Variants in PAK2 observed in about 807,000 individuals in gnomAD.
PAK2 encodes the protein serine/threonine-protein kinase PAK 2.
A neutral mutation model predicts 65.9 loss-of-function variants in PAK2; 21 were observed. The observed-to-expected ratio is 0.32, with a 90% CI of 0.23 to 0.46. The LOEUF (loss-of-function observed/expected upper bound fraction) is 0.46, where lower values mean the gene tolerates loss of function less well. Among genes scored for constraint, PAK2 ranks in the 20% least tolerant of loss-of-function variants. The pLI, the probability that PAK2 is intolerant of heterozygous loss-of-function variation, is 1.00. For missense variants in PAK2, 324 were observed against 642.6 expected (o/e 0.50, Z 5.36); for synonymous variants, 204 against 219.7 (o/e 0.93, Z 0.63).
chr3:196,826,424 A>G (rs1033242441), intron 13 of PAK2, among the ~76,000 whole-genome samples: 2 of 151,762 alleles, frequency 1.3e-5, no homozygotes, highest in African/African-American at 2.4e-5. Context: ...GGCCCGCCTT[A>G]GCCTCCCAAA....
intron 12 of PAK2, among the ~76,000 whole-genome samples, chr3:196,819,369 G>A (rs754367028): frequency 6.6e-6 from 1 of 152,172 alleles, no homozygotes; most frequent in Non-Finnish European, 1.5e-5. Flanking sequence ...TTGAGCACAG[G>A]AGGCAGAGGT....
At chr3:196,756,619 CA>C (rs555686625) in intron 1 of PAK2, among the ~76,000 whole-genome samples, 91 of 152,274 alleles carry the variant, frequency 6.0e-4, no homozygotes, top group African/African-American at 2.0e-3. Context: ...GGGAGGATCA[CA>C]AGGTCAGGAG....
At chr3:196,804,571 A>G (rs947081967) in intron 4 of PAK2, among the ~76,000 whole-genome samples, 2 of 152,008 alleles carry the variant, frequency 1.3e-5, no homozygotes, top group African/African-American at 2.4e-5. Flanking sequence ...GGGTTCAAGC[A>G]ATTCTCCTGC....
intron 1 of PAK2, among the ~76,000 whole-genome samples, chr3:196,753,406 G>A (rs1713671600): frequency 1.3e-5 from 2 of 151,754 alleles, no homozygotes; most frequent in Non-Finnish European, 2.9e-5. Flanking sequence ...CACCACACCC[G>A]CCTAATTTCT....
At chr3:196,796,168 C>T (rs1317929296) in intron 2 of PAK2, among the ~76,000 whole-genome samples, 1 of 152,188 alleles carries the variant, frequency 6.6e-6, no homozygotes, top group African/African-American at 2.4e-5. Flanking sequence ...ACTCTGGTAC[C>T]AGTTTGTGGC....
chr3:196,823,811 C>CA (rs1004879720), intron 13 of PAK2, among the ~76,000 whole-genome samples: 14,663 of 76,586 alleles, frequency 0.19, 834 homozygotes, highest in Middle Eastern at 0.26. Context: ...GATTCTGTCG[C>CA]AAAAAAAAAA....
At chr3:196,780,112 A>G (rs1273853556) in intron 1 of PAK2, among the ~76,000 whole-genome samples, 6 of 152,226 alleles carry the variant, frequency 3.9e-5, no homozygotes, top group Non-Finnish European at 7.3e-5. Context: ...GCATGATGTC[A>G]TGAGCTGGTT....
At chr3:196,794,418 C>G (rs1164344590) in intron 2 of PAK2, among the ~76,000 whole-genome samples, 1 of 152,218 alleles carries the variant, frequency 6.6e-6, no homozygotes, top group Non-Finnish European at 1.5e-5. Flanking sequence ...AATGAAAGAA[C>G]TCCAGGCATG....
intron 10 of PAK2, among the ~76,000 whole-genome samples, chr3:196,814,097 A>G (rs1715916761): frequency 6.6e-6 from 1 of 152,142 alleles, no homozygotes; most frequent in Non-Finnish European, 1.5e-5. Context: ...GTCACTTCCT[A>G]TTAATAGCTG....
intron 1 of PAK2, among the ~76,000 whole-genome samples, chr3:196,773,347 A>G (rs889600906): frequency 6.6e-6 from 1 of 152,162 alleles, no homozygotes; most frequent in Non-Finnish European, 1.5e-5. Flanking sequence ...TTTATACCTA[A>G]TATTGTTTTT....
intron 2 of PAK2, among the ~76,000 whole-genome samples, chr3:196,784,132 A>C (rs1250223753): frequency 6.6e-6 from 1 of 152,126 alleles, no homozygotes; most frequent in Admixed American, 6.5e-5. Context: ...ATCTGTGTTC[A>C]AACTCCATTT....
intron 1 of PAK2, among the ~76,000 whole-genome samples, chr3:196,781,916 C>G (rs1714726563): frequency 6.6e-6 from 1 of 152,062 alleles, no homozygotes; most frequent in Non-Finnish European, 1.5e-5. Flanking sequence ...CCAGCCTGGC[C>G]AACATGGTGA....
intron 1 of PAK2, among the ~76,000 whole-genome samples, chr3:196,769,542 T>G (rs139979487): frequency 0.024 from 3,644 of 151,942 alleles, 210 homozygotes; most frequent in African/African-American, 0.083. Context: ...CCAGGCGTGG[T>G]GGCTCACGCC....
At chr3:196,822,899 A>C (rs1711700882) in intron 13 of PAK2, among the ~76,000 whole-genome samples, 1 of 148,864 alleles carries the variant, frequency 6.7e-6, no homozygotes, top group Admixed American at 6.6e-5. Flanking sequence ...TCTGGACCTC[A>C]GCACAGCTGG....
chr3:196,788,489 G>A (rs960824284), intron 2 of PAK2, among the ~76,000 whole-genome samples: 12 of 152,250 alleles, frequency 7.9e-5, no homozygotes, highest in Admixed American at 2.0e-4. Flanking sequence ...GGATCGTGCC[G>A]TTTTAAGGCA....
At chr3:196,786,365 G>C (rs4916444) in intron 2 of PAK2, among the ~76,000 whole-genome samples, 122,843 of 151,876 alleles carry the variant, frequency 0.81, 49,910 homozygotes, top group Admixed American at 0.87. Context: ...GTTTCATCAT[G>C]TTGGCCAGGC....
intron 1 of PAK2, among the ~76,000 whole-genome samples, chr3:196,779,580 C>T (rs1714641468): frequency 6.6e-6 from 1 of 152,168 alleles, no homozygotes; most frequent in African/African-American, 2.4e-5. Flanking sequence ...GGTGCATTGG[C>T]AGTTTCTACT....
intron 8 of PAK2, among the ~76,000 whole-genome samples, chr3:196,811,619 A>G (rs1170076214): frequency 7.2e-5 from 11 of 151,754 alleles, no homozygotes; most frequent in Admixed American, 5.9e-4. Flanking sequence ...TTATCTTACT[A>G]TTTTTGAGCA....
chr3:196,743,220 G>T (rs999806934), intron 1 of PAK2, among the ~76,000 whole-genome samples: 10 of 152,278 alleles, frequency 6.6e-5, no homozygotes, highest in South Asian at 2.1e-4. Flanking sequence ...AGGGTAGTCA[G>T]TCTGAACATT....
Sources: gnomAD v4.1 joint callset for allele counts (sites outside exome capture counted in the v4.1 genomes callset) on GRCh38, gnomAD v4.1.1 for gene constraint, MANE v1.5 for transcripts, NCBI Gene and HGNC (gene_info 2026-07-23, HGNC 2026-07-21) for gene names.